ARHGEF4: variants seen among roughly 807,000 people sequenced by gnomAD.
ARHGEF4 encodes the protein APC-stimulated guanine nucleotide exchange factor 1.
ARHGEF4 carries 119 observed loss-of-function variants against 162.0 expected under a neutral mutation model. The observed-to-expected ratio is 0.73, with a 90% CI of 0.63 to 0.86. The LOEUF is 0.86. Ranked by LOEUF, ARHGEF4 falls within the 40% of genes least tolerant of loss-of-function variation. The pLI is 0.00. For missense variants in ARHGEF4, 2,488 were observed against 2,456.0 expected, an observed-to-expected ratio of 1.01 and a Z score of -0.28; for synonymous variants, 1,014 against 979.9, an observed-to-expected ratio of 1.03 and a Z score of -0.65.
At chr2:131,023,474 G>A (rs1432052555) in intron 4 of ARHGEF4, among the ~76,000 whole-genome samples, 3 of 152,116 alleles carry the variant, frequency 2.0e-5, no homozygotes, top group African/African-American at 7.2e-5. Context: ...TATCACCAAA[G>A]AGGATATATG....
chr2:131,045,477 T>C, intron 13 of ARHGEF4, 31 bp downstream of exon 13: 1 of 1,613,550 alleles, frequency 6.2e-7, no homozygotes. Context: ...CCTCCTCGGC[T>C]GCCCGGTCCT....
rs781521501 is a variant in ARHGEF4 at position 131,041,253 on chromosome 2, G to C, written c.4686G>C (p.Ser1562=). ...AGCAAGCCGACTTCCAGATCTACTC[G>C]GAGTACTGCAATAACCACCCCAACG... The part of the protein sequence containing the change: ...LEHQADFQIY[S]EYCNNHPNAC... Residue 1562 remains serine, a synonymous_variant, in exon 9 of 14, where the codon TCG becomes TCC. Coordinates refer to ENST00000409359, the MANE Select transcript of ARHGEF4 (RefSeq NM_001367493.1). 5 of 1,613,726 alleles carry C rather than the reference G, an allele frequency of 3.1e-6. No homozygotes were observed. Among genetic ancestry groups the C allele is most frequent in the East Asian group, 2.2e-5 (1 of 44,874 alleles).
chr2:130,872,021 T>C (rs927965039), intron 1 of ARHGEF4, among the ~76,000 whole-genome samples: 9 of 152,232 alleles, frequency 5.9e-5, no homozygotes, highest in African/African-American at 2.2e-4. Flanking sequence ...GCTGTGCATC[T>C]GCAAAATGGA....
At chr2:130,904,801 A>G (rs930029181) in intron 1 of ARHGEF4, among the ~76,000 whole-genome samples, 3 of 151,046 alleles carry the variant, frequency 2.0e-5, no homozygotes, top group African/African-American at 7.3e-5. Context: ...AACACTGGCC[A>G]GGCTTGGTGG....
chr2:130,966,799 A>G (rs970818304), intron 4 of ARHGEF4, among the ~76,000 whole-genome samples: 6 of 152,260 alleles, frequency 3.9e-5, no homozygotes, highest in Non-Finnish European at 5.9e-5. Flanking sequence ...AATTAAAAGC[A>G]AAGGTCTGAC....
At chr2:130,884,072 G>A (rs1220793909) in intron 1 of ARHGEF4, among the ~76,000 whole-genome samples, 1 of 152,042 alleles carries the variant, frequency 6.6e-6, no homozygotes, top group African/African-American at 2.4e-5. Flanking sequence ...ATTTTATGTT[G>A]TGATGGCAAG....
At chr2:130,982,865 C>T (rs1036653810) in intron 4 of ARHGEF4, among the ~76,000 whole-genome samples, 1 of 152,064 alleles carries the variant, frequency 6.6e-6, no homozygotes, top group African/African-American at 2.4e-5. Flanking sequence ...TACTGTTTTT[C>T]TAATACATCT....
At chr2:131,036,691 G>C (rs542151312) in intron 5 of ARHGEF4, among the ~76,000 whole-genome samples, 1 of 152,316 alleles carries the variant, frequency 6.6e-6, no homozygotes, top group South Asian at 2.1e-4. Context: ...TAGAGACAGA[G>C]GGTGACACCT....
intron 5 of ARHGEF4, among the ~76,000 whole-genome samples, chr2:131,036,398 T>C (rs1447514655): frequency 1.3e-5 from 2 of 152,220 alleles, no homozygotes; most frequent in Admixed American, 6.5e-5. Context: ...TCACGGCACG[T>C]GTCCCTCTGC....
intron 2 of ARHGEF4, among the ~76,000 whole-genome samples, chr2:130,917,779 C>T (rs1467625575): frequency 6.6e-6 from 1 of 152,060 alleles, no homozygotes. Flanking sequence ...ACTGCCTGCT[C>T]CCTGGGCACT....
chr2:130,870,798 G>T (rs991709209), intron 1 of ARHGEF4, among the ~76,000 whole-genome samples: 7 of 152,108 alleles, frequency 4.6e-5, no homozygotes, highest in Non-Finnish European at 7.4e-5. Context: ...GGGGGTTGGC[G>T]GTGGTGGCAG....
chr2:130,869,207 A>G (rs1326682827), intron 1 of ARHGEF4, among the ~76,000 whole-genome samples: 3 of 152,088 alleles, frequency 2.0e-5, no homozygotes, highest in Non-Finnish European at 4.4e-5. Flanking sequence ...CCACAGAGAG[A>G]GTAGGAGGAG....
intron 4 of ARHGEF4, among the ~76,000 whole-genome samples, chr2:131,015,778 G>A (rs953010963): frequency 2.6e-5 from 4 of 152,144 alleles, no homozygotes; most frequent in Non-Finnish European, 5.9e-5. Context: ...CTGGCTGGCC[G>A]GCAAGCTTTG....
In ARHGEF4 at chr2:130,922,246, A is replaced by G. The variant is rs181913108; in HGVS notation, c.3552+4748A>G. Among the ~76,000 whole-genome samples the G allele has an allele frequency of 4.1e-3, 630 of 151,848 alleles. 8 individuals carry two copies. Among genetic ancestry groups the G allele is most frequent in the African/African-American group, 0.014 (598 of 41,468 alleles). ...ATTAGCCGGGCATGGTGGCGCATGCATATAATCGCAGCTAGTTGGGAGGCT... is the reference window on the plus strand; with the variant it reads ...ATTAGCCGGGCATGGTGGCGCATGCGTATAATCGCAGCTAGTTGGGAGGCT... On this transcript the variant is annotated intron_variant, in intron 2 of 13. Coordinates refer to ENST00000409359, the MANE Select transcript of ARHGEF4 (RefSeq NM_001367493.1).
At chr2:130,866,399 A>T (rs1220789003) in intron 1 of ARHGEF4, among the ~76,000 whole-genome samples, 1 of 152,092 alleles carries the variant, frequency 6.6e-6, no homozygotes, top group African/African-American at 2.4e-5. Context: ...AAAAAGAAGA[A>T]GGTGGGTATG....
At chr2:131,045,913 G>A (rs1052425249) in intron 13 of ARHGEF4, 125 bp from the exon 14 acceptor site, 15 of 1,495,698 alleles carry the variant, frequency 1.0e-5, no homozygotes, top group Non-Finnish European at 1.2e-5. Context: ...AGTCCTGTGT[G>A]GCAAAACTGC....
At chr2:131,030,574 G>A (rs1689781976) in intron 5 of ARHGEF4, among the ~76,000 whole-genome samples, 1 of 152,240 alleles carries the variant, frequency 6.6e-6, no homozygotes, top group African/African-American at 2.4e-5. Flanking sequence ...CTCCTGCGAT[G>A]CTGCAGGCTG....
At chr2:130,945,387 C>G (rs1683546870) in intron 3 of ARHGEF4, among the ~76,000 whole-genome samples, 1 of 152,074 alleles carries the variant, frequency 6.6e-6, no homozygotes, top group Non-Finnish European at 1.5e-5. Context: ...GACCACAGTT[C>G]CTCTGGTCAG....
intron 1 of ARHGEF4, among the ~76,000 whole-genome samples, chr2:130,882,401 G>C (rs375475121): frequency 6.6e-6 from 1 of 151,974 alleles, no homozygotes; most frequent in Non-Finnish European, 1.5e-5. Context: ...TCCAGGGAGG[G>C]CTCCCTTCCA....
Sources: gnomAD v4.1 joint callset for allele counts (sites outside exome capture counted in the v4.1 genomes callset) on GRCh38, gnomAD v4.1.1 for gene constraint, MANE v1.5 for transcripts, NCBI Gene and HGNC (gene_info 2026-07-23, HGNC 2026-07-21) for gene names.